The following PABPC4L variants were observed in gnomAD, a reference collection of about 807,000 sequenced individuals.
PABPC4L encodes polyadenylate-binding protein 4-like.
For missense variants in PABPC4L, 452 were observed against 451.4 expected (o/e 1.00, Z -0.01); for synonymous variants, 169 against 164.1 (o/e 1.03, Z -0.23).
chr4:134,068,881 T>C, the PABPC4L span, among the ~76,000 whole-genome samples: 1 of 151,990 alleles, frequency 6.6e-6, no homozygotes, highest in South Asian at 2.1e-4. Flanking sequence ...GCTACCTTTT[T>C]GTATTTTTAA....
the PABPC4L span, among the ~76,000 whole-genome samples, chr4:134,179,358 G>T: frequency 1.3e-5 from 2 of 152,092 alleles, no homozygotes; most frequent in African/African-American, 2.4e-5. Flanking sequence ...ATTGCCAGCA[G>T]ATCTGCCTTA....
chr4:134,071,984 A>G, the PABPC4L span, among the ~76,000 whole-genome samples: 1 of 152,088 alleles, frequency 6.6e-6, no homozygotes, highest in South Asian at 2.1e-4. Context: ...TGGGTGTGAG[A>G]ATTTAGCATA....
the PABPC4L span, among the ~76,000 whole-genome samples, chr4:134,164,936 T>C: frequency 1.3e-5 from 2 of 152,192 alleles, no homozygotes; most frequent in East Asian, 3.9e-4. Context: ...AGTAGATACA[T>C]AGAACAATGG....
At chr4:133,992,071 G>C in the PABPC4L span, among the ~76,000 whole-genome samples, 1 of 152,134 alleles carries the variant, frequency 6.6e-6, no homozygotes, top group African/African-American at 2.4e-5. Context: ...AAGTGTTTTA[G>C]GGTGGCATGG....
the PABPC4L span, among the ~76,000 whole-genome samples, chr4:134,063,272 T>G: frequency 1.1e-4 from 16 of 152,156 alleles, no homozygotes; most frequent in African/African-American, 3.4e-4. Flanking sequence ...CGTGTTGGTT[T>G]GAGGGGACAA....
chr4:133,995,564 C>G, the PABPC4L span, among the ~76,000 whole-genome samples: 2 of 152,154 alleles, frequency 1.3e-5, no homozygotes, highest in Admixed American at 1.3e-4. Flanking sequence ...ATAAATTCAA[C>G]AAATGGCTCC....
At chr4:134,139,779 C>G in the PABPC4L span, among the ~76,000 whole-genome samples, 402 of 151,514 alleles carry the variant, frequency 2.7e-3, 4 homozygotes, top group Middle Eastern at 0.017. Context: ...TCCACCTAGG[C>G]CCAAACAAAA....
At chr4:134,029,780 C>A in the PABPC4L span, among the ~76,000 whole-genome samples, 1 of 150,860 alleles carries the variant, frequency 6.6e-6, no homozygotes, top group Admixed American at 6.6e-5. Context: ...TTTTGAAATA[C>A]AAATAAAAAG....
At chr4:134,007,451 C>T in the PABPC4L span, among the ~76,000 whole-genome samples, 2 of 151,558 alleles carry the variant, frequency 1.3e-5, no homozygotes, top group Non-Finnish European at 3.0e-5. Context: ...TGTCAATCAC[C>T]TTATTGTCAG....
the PABPC4L span, among the ~76,000 whole-genome samples, chr4:133,956,881 A>G: frequency 1.3e-5 from 2 of 152,156 alleles, no homozygotes; most frequent in Non-Finnish European, 2.9e-5. Flanking sequence ...AAAACTCATT[A>G]TCATAAGAAG....
chr4:134,116,696 A>C, the PABPC4L span, among the ~76,000 whole-genome samples: 7 of 151,904 alleles, frequency 4.6e-5, no homozygotes, highest in East Asian at 1.9e-4. Context: ...TAACAATGAA[A>C]ATTAAATATA....
At chr4:133,963,746 A>C in the PABPC4L span, among the ~76,000 whole-genome samples, 3 of 152,190 alleles carry the variant, frequency 2.0e-5, no homozygotes, top group South Asian at 6.2e-4. Flanking sequence ...AAATGAAATC[A>C]AGATGAAAAT....
the PABPC4L span, among the ~76,000 whole-genome samples, chr4:134,112,162 T>C: frequency 3.9e-5 from 6 of 152,010 alleles, no homozygotes; most frequent in African/African-American, 1.4e-4. Flanking sequence ...TCACATTATT[T>C]AGAAAACTAC....
the PABPC4L span, among the ~76,000 whole-genome samples, chr4:134,165,682 T>G: frequency 6.6e-6 from 1 of 152,188 alleles, no homozygotes; most frequent in Non-Finnish European, 1.5e-5. Context: ...TACACACTGC[T>G]GGTAAGAATG....
At chr4:134,107,947 C>T in the PABPC4L span, among the ~76,000 whole-genome samples, 16 of 151,324 alleles carry the variant, frequency 1.1e-4, no homozygotes, top group Non-Finnish European at 1.8e-4. Context: ...CACACTTTTA[C>T]AGTAGAAGAG....
chr4:134,104,732 A>T, the PABPC4L span, among the ~76,000 whole-genome samples: 3 of 151,644 alleles, frequency 2.0e-5, no homozygotes, highest in African/African-American at 7.3e-5. Context: ...TCCTTCAACC[A>T]TCTCTCATAT....
At chr4:133,960,640 T>C in the PABPC4L span, among the ~76,000 whole-genome samples, 1 of 152,128 alleles carries the variant, frequency 6.6e-6, no homozygotes, top group African/African-American at 2.4e-5. Context: ...AGCTCTTTTC[T>C]TTTGCAGCTG....
chr4:133,959,879 C>A, the PABPC4L span, among the ~76,000 whole-genome samples: 3 of 152,176 alleles, frequency 2.0e-5, no homozygotes, highest in African/African-American at 7.2e-5. Context: ...AGTTCATTTT[C>A]ATCTTTGTCC....
chr4:134,075,504 T>G, the PABPC4L span, among the ~76,000 whole-genome samples: 5 of 152,164 alleles, frequency 3.3e-5, no homozygotes, highest in Non-Finnish European at 7.3e-5. Context: ...TATTGAGTAA[T>G]GAGTATCATT....
Sources: gnomAD v4.1 joint callset for allele counts (sites outside exome capture counted in the v4.1 genomes callset) on GRCh38, gnomAD v4.1.1 for gene constraint, MANE v1.5 for transcripts, NCBI Gene and HGNC (gene_info 2026-07-23, HGNC 2026-07-21) for gene names.